DLGAP1: variants seen among roughly 807,000 people sequenced by gnomAD.
DLGAP1 encodes DLG associated protein 1.
A neutral mutation model predicts 90.8 loss-of-function variants in DLGAP1; 11 were observed. The observed-to-expected ratio is 0.12, with a 90% CI of 0.08 to 0.20. DLGAP1 has a LOEUF of 0.20. Among genes scored for constraint, DLGAP1 ranks in the 10% least tolerant of loss-of-function variants. The pLI is 1.00. For missense variants in DLGAP1, 1,050 were observed against 1,333.8 expected (o/e 0.79, Z 3.31); for synonymous variants, 558 against 540.7 (o/e 1.03, Z -0.44).
At position 3,641,586 on chromosome 18, in the gene DLGAP1, T is replaced by TACACACACAC. The variant is rs61136246; in HGVS notation, c.1592-59348_1592-59339dup. On this transcript the variant is annotated intron_variant, in intron 7 of 12. Coordinates refer to ENST00000315677, the MANE Select transcript of DLGAP1 (RefSeq NM_004746.4). ...ATAAGACAATGTACACATATATATA[T>TACACACACAC]ACACACACACACACACACACACACA... 5.0e-3 allele frequency among the ~76,000 whole-genome samples: 671 copies of TACACACACAC among 135,482 alleles called. 2 individuals carry two copies. Among genetic ancestry groups the TACACACACAC allele is most frequent in the African/African-American group, 0.014 (483 of 35,376 alleles). 88.9% of individuals were successfully genotyped at this position (135,482 alleles called of 152,430 possible).
At chr18:3,591,389 T>A (rs1016705155) in intron 7 of DLGAP1, among the ~76,000 whole-genome samples, 1 of 151,988 alleles carries the variant, frequency 6.6e-6, no homozygotes, top group Non-Finnish European at 1.5e-5. Context: ...GCATGTAGGA[T>A]TAGAAGTATG....
At chr18:3,597,353 G>A (rs970066229) in intron 7 of DLGAP1, 2 of 412,000 alleles carry the variant, frequency 4.9e-6, no homozygotes, top group East Asian at 6.8e-5. Context: ...CTGGTAAACA[G>A]AATAAATAGT....
chr18:3,694,506 TA>T (rs1307967676), intron 7 of DLGAP1, among the ~76,000 whole-genome samples: 1 of 152,226 alleles, frequency 6.6e-6, no homozygotes, highest in African/African-American at 2.4e-5. Context: ...ACCAACAGGG[TA>T]AAAGCATTCC....
Position 3,642,514 on chromosome 18 carries a change from T to C in DLGAP1, c.1592-60266A>G, listed in dbSNP as rs1394156100. Reference sequence around the variant, plus strand: ...ATAGGTATACTGAAAAGGAGGGTATTACTGTGGATGACTTCAAGGATTCAA... The same window carrying C: ...ATAGGTATACTGAAAAGGAGGGTATCACTGTGGATGACTTCAAGGATTCAA... On this transcript the variant is annotated intron_variant, in intron 7 of 12. Coordinates refer to ENST00000315677, the MANE Select transcript of DLGAP1 (RefSeq NM_004746.4). Among the ~76,000 whole-genome samples the C allele has an allele frequency of 2.0e-5, 3 of 152,168 alleles. No homozygotes were observed. In the East Asian group the frequency reaches 5.8e-4, roughly 29 times the overall value.
intron 3 of DLGAP1, among the ~76,000 whole-genome samples, chr18:3,901,213 C>T (rs751983061): frequency 1.3e-5 from 2 of 149,996 alleles, no homozygotes; most frequent in Non-Finnish European, 2.9e-5. Context: ...TTAAGCAATG[C>T]CCTTCCCTGC....
At chr18:3,810,796 T>A (rs372374307) in intron 5 of DLGAP1, among the ~76,000 whole-genome samples, 1 of 152,108 alleles carries the variant, frequency 6.6e-6, no homozygotes, top group African/African-American at 2.4e-5. Context: ...TTCAATCTGG[T>A]TAAACTATTA....
intron 3 of DLGAP1, among the ~76,000 whole-genome samples, chr18:3,923,370 T>A (rs778422275): frequency 6.6e-5 from 10 of 152,100 alleles, no homozygotes; most frequent in Non-Finnish European, 1.2e-4. Context: ...TTTTCACATG[T>A]TTATTTGCCG....
intron 2 of DLGAP1, among the ~76,000 whole-genome samples, chr18:4,116,516 C>T (rs28891792): frequency 0.51 from 78,134 of 151,848 alleles, 21,646 homozygotes; most frequent in African/African-American, 0.73. Flanking sequence ...CCACTCTATT[C>T]TTTCAGGCAC....
intron 1 of DLGAP1, among the ~76,000 whole-genome samples, chr18:4,418,144 A>G (rs10853312): frequency 0.45 from 67,753 of 151,842 alleles, 15,850 homozygotes; most frequent in African/African-American, 0.6. Context: ...CACACTTCAC[A>G]CCTAACCCAA....
intron 1 of DLGAP1, among the ~76,000 whole-genome samples, chr18:4,382,381 T>A (rs1232023432): frequency 6.6e-6 from 1 of 152,182 alleles, no homozygotes; most frequent in Non-Finnish European, 1.5e-5. Context: ...TTATGCATTA[T>A]GGTTGTCAGC....
intron 10 of DLGAP1, among the ~76,000 whole-genome samples, chr18:3,525,527 G>T (rs762641608): frequency 6.6e-6 from 1 of 152,146 alleles, no homozygotes; most frequent in African/African-American, 2.4e-5. Flanking sequence ...AGCCTCCCGA[G>T]TAGCTGGGAT....
At chr18:3,811,926 G>A (rs965847306) in intron 5 of DLGAP1, among the ~76,000 whole-genome samples, 2 of 152,068 alleles carry the variant, frequency 1.3e-5, no homozygotes. Flanking sequence ...TCTTCCTCAT[G>A]GCTCTACATC....
chr18:4,034,245 T>C (rs1044491811), intron 2 of DLGAP1, among the ~76,000 whole-genome samples: 3 of 151,920 alleles, frequency 2.0e-5, no homozygotes, highest in Non-Finnish European at 4.4e-5. Context: ...TTTCACCATG[T>C]TGGCCAGGCT....
chr18:3,753,940 CAAG>C (rs1448349632), intron 5 of DLGAP1, among the ~76,000 whole-genome samples: 1 of 152,206 alleles, frequency 6.6e-6, no homozygotes, highest in East Asian at 1.9e-4. Flanking sequence ...TGGAGACGCT[CAAG>C]TCCCTTATGT....
At chr18:4,450,900 G>A (rs1301706433) in intron 1 of DLGAP1, among the ~76,000 whole-genome samples, 1 of 152,178 alleles carries the variant, frequency 6.6e-6, no homozygotes, top group African/African-American at 2.4e-5. Context: ...TATCCAGTGG[G>A]ACAATCACAT....
intron 7 of DLGAP1, among the ~76,000 whole-genome samples, chr18:3,706,862 C>T (rs1171275510): frequency 6.6e-6 from 1 of 151,964 alleles, no homozygotes; most frequent in African/African-American, 2.4e-5. Flanking sequence ...AAAAAAGTTT[C>T]CCCAAATGAG....
At chr18:4,106,147 A>G (rs2075863692) in intron 2 of DLGAP1, among the ~76,000 whole-genome samples, 1 of 151,600 alleles carries the variant, frequency 6.6e-6, no homozygotes, top group Non-Finnish European at 1.5e-5. Context: ...AACTGTCTCT[A>G]GCTCAGAGAC....
intron 1 of DLGAP1, among the ~76,000 whole-genome samples, chr18:4,239,976 T>G (rs1001897055): frequency 6.6e-6 from 1 of 152,204 alleles, no homozygotes; most frequent in African/African-American, 2.4e-5. Context: ...GTTTGTTTAT[T>G]TAAACCTCTT....
intron 1 of DLGAP1, among the ~76,000 whole-genome samples, chr18:4,241,802 A>G (rs947775261): frequency 9.9e-5 from 15 of 152,226 alleles, no homozygotes; most frequent in African/African-American, 2.7e-4. Context: ...AACTTAGGCA[A>G]TACTTCCATT....
Sources: allele counts gnomAD v4.1 joint callset (sites outside exome capture counted in the v4.1 genomes callset), GRCh38; gene constraint gnomAD v4.1.1; transcripts MANE v1.5; gene names NCBI Gene and HGNC (gene_info 2026-07-23, HGNC 2026-07-21).